Variants in RIBC2 observed in about 807,000 individuals in gnomAD.
The protein encoded by RIBC2 is RIB43A domain with coiled-coils 2.
In RIBC2, 40 loss-of-function variants were observed where a neutral mutation model predicts 44.3. That is an observed-to-expected ratio of 0.90 (90% confidence interval 0.70 to 1.18). The LOEUF (loss-of-function observed/expected upper bound fraction) is 1.18, where lower values mean the gene tolerates loss of function less well. RIBC2 is among the 50% of genes most tolerant of loss of function. The probability of loss-of-function intolerance (pLI) is 0.00; values close to 1 mark genes in which losing one functional copy is unlikely to be tolerated. For synonymous variants in RIBC2, 171 were observed against 175.0 expected, an observed-to-expected ratio of 0.98 and a Z score of 0.18; for missense variants, 459 against 485.5, an observed-to-expected ratio of 0.95 and a Z score of 0.51.
chr22:45,427,893 C>T (rs970377188), intron 5 of RIBC2, among the ~76,000 whole-genome samples: 1 of 152,256 alleles, frequency 6.6e-6, no homozygotes, highest in East Asian at 1.9e-4. Context: ...CCTCAGCCTC[C>T]CATAGTGCCG....
intron 3 of RIBC2, among the ~76,000 whole-genome samples, chr22:45,420,963 G>A (rs755411632): frequency 2.6e-5 from 4 of 152,144 alleles, no homozygotes; most frequent in Non-Finnish European, 5.9e-5. Context: ...TTGGGAGGCC[G>A]AGGTGGGTGG....
intron 4 of RIBC2, among the ~76,000 whole-genome samples, chr22:45,425,039 T>C (rs1049740494): frequency 4.6e-5 from 7 of 152,128 alleles, no homozygotes; most frequent in African/African-American, 1.7e-4. Flanking sequence ...TTGAATCACT[T>C]GAACCTGGGA....
intron 4 of RIBC2, among the ~76,000 whole-genome samples, chr22:45,425,214 G>A (rs185892171): frequency 2.6e-5 from 4 of 152,128 alleles, no homozygotes; most frequent in East Asian, 1.9e-4. Context: ...TGGCAAGTCC[G>A]GTATTGAAGT....
chr22:45,414,306 G>A lies in RIBC2; in HGVS notation c.130-16G>A. ...GATCTGGCTCTAACCCTTCTCCTCTGTTTTTCCATTTATAGGGAGACACTG... is the reference window on the plus strand; with the variant it reads ...GATCTGGCTCTAACCCTTCTCCTCTATTTTTCCATTTATAGGGAGACACTG... On this transcript the variant is annotated splice_polypyrimidine_tract_variant and intron_variant, in intron 1 of 6. Transcript: ENST00000614167. 3 of 1,544,690 alleles carry A rather than the reference G, an allele frequency of 1.9e-6. No homozygotes were observed. Among genetic ancestry groups the A allele is most frequent in the Non-Finnish European group, 2.6e-6 (3 of 1,144,676 alleles).
intron 5 of RIBC2, among the ~76,000 whole-genome samples, chr22:45,430,333 A>G (rs909968784): frequency 5.3e-5 from 8 of 152,200 alleles, no homozygotes; most frequent in African/African-American, 1.9e-4. Context: ...TTCCTCTTCC[A>G]GGGCTCCAGA....
intron 2 of RIBC2, among the ~76,000 whole-genome samples, chr22:45,415,486 TA>T (rs1231958957): frequency 3.3e-5 from 5 of 152,012 alleles, no homozygotes; most frequent in African/African-American, 1.2e-4. Flanking sequence ...AATTCAATCT[TA>T]CAAAAACAAT....
chr22:45,427,033 G>C (rs919620617), intron 5 of RIBC2, among the ~76,000 whole-genome samples: 6 of 152,164 alleles, frequency 3.9e-5, no homozygotes, highest in African/African-American at 1.4e-4. Context: ...GAGCAGGTTG[G>C]TGGGTGGGGA....
Position 45,431,062 on chromosome 22 carries a change from T to C in RIBC2, c.1066T>C (p.Leu356=). 6.4e-7 allele frequency: 1 copy of C among 1,571,096 alleles called. No homozygotes were observed. The highest frequency in any genetic ancestry group is 8.6e-7 in the Non-Finnish European group (1 of 1,158,152). Residue 356 remains leucine, a synonymous_variant, in exon 6 of 7, where the codon TTG becomes CTG. Transcript: ENST00000614167. ...SNLSLAKEQH[L]QKKYMNEVYT... is the part of the protein sequence containing the mutation. ...CCTCAGCCTGGCCAAGGAGCAGCATTTGCAGTGAGTGCTGGGTGGGACCAG... is the reference window on the plus strand; with the variant it reads ...CCTCAGCCTGGCCAAGGAGCAGCATCTGCAGTGAGTGCTGGGTGGGACCAG...
Position 45,414,312 on chromosome 22 carries a change from C to A in RIBC2, c.130-10C>A. 6.5e-7 allele frequency: 1 copy of A among 1,544,178 alleles called. No individual in the cohort carries two copies. The highest frequency in any genetic ancestry group is 8.7e-7 in the Non-Finnish European group (1 of 1,144,812). ...GCTCTAACCCTTCTCCTCTGTTTTTCCATTTATAGGGAGACACTGAAGCCT... is the reference window on the plus strand; with the variant it reads ...GCTCTAACCCTTCTCCTCTGTTTTTACATTTATAGGGAGACACTGAAGCCT... On this transcript the variant is annotated splice_polypyrimidine_tract_variant and intron_variant, in intron 1 of 6. Coordinates refer to ENST00000614167, the MANE Select transcript of RIBC2 (RefSeq NM_015653.5).
At chr22:45,427,856 A>G (rs886578355) in intron 5 of RIBC2, among the ~76,000 whole-genome samples, 1 of 152,156 alleles carries the variant, frequency 6.6e-6, no homozygotes, top group Non-Finnish European at 1.5e-5. Context: ...GCTGGTCTCA[A>G]ACTCCTGGTC....
intron 3 of RIBC2, among the ~76,000 whole-genome samples, chr22:45,421,580 T>TTAATAATAGTATTAA (rs2087484358): frequency 3.6e-5 from 1 of 27,766 alleles, no homozygotes; most frequent in Non-Finnish European, 5.6e-5. Context: ...AATAGTATTA[T>TTAATAATAGTATTAA]TAATAATAAT....
chr22:45,425,046 G>A (rs1276812245), intron 4 of RIBC2, among the ~76,000 whole-genome samples: 1 of 152,020 alleles, frequency 6.6e-6, no homozygotes, highest in Non-Finnish European at 1.5e-5. Flanking sequence ...ACTTGAACCT[G>A]GGAGGCAGAG....
chr22:45,426,647 C>G (rs6007028), intron 5 of RIBC2, among the ~76,000 whole-genome samples: 145 of 152,268 alleles, frequency 9.5e-4, no homozygotes, highest in African/African-American at 3.5e-3. Flanking sequence ...TCTTCTGTGA[C>G]GGAGACGGGG....
intron 2 of RIBC2, 108 bp from the exon 3 acceptor site, chr22:45,417,494 C>T (rs1484586976): frequency 8.3e-6 from 7 of 846,214 alleles, no homozygotes; most frequent in East Asian, 2.7e-5. Flanking sequence ...GCCCAGGCAA[C>T]ATAATGAGGC....
chr22:45,429,786 G>T (rs1171116551), intron 5 of RIBC2, among the ~76,000 whole-genome samples: 1 of 152,160 alleles, frequency 6.6e-6, no homozygotes, highest in Non-Finnish European at 1.5e-5. Flanking sequence ...CAGTATTGCT[G>T]TCTAGTTTTC....
intron 4 of RIBC2, among the ~76,000 whole-genome samples, chr22:45,424,169 G>T (rs551113668): frequency 6.6e-6 from 1 of 152,196 alleles, no homozygotes; most frequent in Non-Finnish European, 1.5e-5. Context: ...AAACACTCCT[G>T]CACTGGGAAA....
intron 5 of RIBC2, among the ~76,000 whole-genome samples, chr22:45,429,160 G>T (rs943542744): frequency 6.6e-6 from 1 of 152,190 alleles, no homozygotes; most frequent in Non-Finnish European, 1.5e-5. Context: ...GGGTCCCAAA[G>T]GGAGGGTCTC....
Position 45,417,963 on chromosome 22 carries a change from G to A in RIBC2, c.556+17G>A. 3 of 1,431,850 alleles carry A rather than the reference G, an allele frequency of 2.1e-6. No individual in the cohort carries two copies. Among genetic ancestry groups the A allele is most frequent in the East Asian group, 2.5e-5 (1 of 40,412 alleles). 88.7% of individuals were successfully genotyped at this position (1,431,850 alleles called of 1,614,324 possible). A position where few individuals can be genotyped will look rare whatever the true frequency, so the allele number is the denominator to read the frequency against. ...AATGCGCAGGTAATGAAACAGAAGA[G>A]ACGAGCTGGTCTCAACGCTCTCTTC... On this transcript the variant is annotated intron_variant, in intron 3 of 6. Transcript: ENST00000614167.
intron 3 of RIBC2, among the ~76,000 whole-genome samples, chr22:45,418,585 C>T (rs976595581): frequency 3.9e-5 from 6 of 152,288 alleles, no homozygotes; most frequent in African/African-American, 1.4e-4. Flanking sequence ...CCGGAAAGAC[C>T]GGGTAACGAA....
Sources: allele counts gnomAD v4.1 joint callset (sites outside exome capture counted in the v4.1 genomes callset), GRCh38; gene constraint gnomAD v4.1.1; transcripts MANE v1.5; gene names NCBI Gene and HGNC (gene_info 2026-07-23, HGNC 2026-07-21).